HUWE1: variants seen among roughly 807,000 people sequenced by gnomAD.
HUWE1 encodes HECT, UBA and WWE domain containing E3 ubiquitin protein ligase 1, also known as E3 ubiquitin-protein ligase HUWE1.
A neutral mutation model predicts 299.4 loss-of-function variants in HUWE1; 18 were observed. The ratio of observed to expected loss-of-function variants is 0.06; its 90% CI spans 0.04 to 0.09. The LOEUF is 0.09. Ranked by LOEUF, HUWE1 falls within the 10% of genes least tolerant of loss-of-function variation. The pLI is 1.00. For synonymous variants in HUWE1, 1,317 were observed against 1,286.1 expected (o/e 1.02, Z -0.51); for missense variants, 1,832 against 3,462.3 (o/e 0.53, Z 11.82).
At chrX:53,598,286 T>A (rs1242696867) in intron 29 of HUWE1, among the ~76,000 whole-genome samples, 1 of 112,213 alleles carries the variant, frequency 8.9e-6, no homozygotes, top group Non-Finnish European at 1.9e-5. Context: ...GCACCGAAAC[T>A]AAAGCAAACG....
At chrX:53,556,597 C>T (rs949203465) in intron 60 of HUWE1, among the ~76,000 whole-genome samples, 6 of 111,604 alleles carry the variant, frequency 5.4e-5, no homozygotes, top group Non-Finnish European at 1.1e-4. Context: ...CACAAAATGG[C>T]TACTGACCAT....
intron 42 of HUWE1, among the ~76,000 whole-genome samples, 169 bp from the exon 43 acceptor site, chrX:53,581,195 T>A (rs1296774049): frequency 8.9e-6 from 1 of 112,339 alleles, no homozygotes; most frequent in African/African-American, 3.2e-5. Flanking sequence ...TATAAAAAAG[T>A]TGCAGCATGT....
chrX:53,660,789 G>C (rs1233990594), intron 3 of HUWE1, among the ~76,000 whole-genome samples: 1 of 111,472 alleles, frequency 9.0e-6, no homozygotes, highest in African/African-American at 3.3e-5. Context: ...ATTTTCTCAA[G>C]TGGCATCTAC....
chrX:53,534,637 C>T lies in HUWE1; in HGVS notation c.12710G>A (p.Arg4237His), dbSNP rs1306194526. 4.1e-6 allele frequency: 5 copies of T among 1,208,833 alleles called. No homozygotes were observed. Among genetic ancestry groups the T allele is most frequent in the Middle Eastern group, 2.3e-4 (1 of 4,343 alleles). The stretch of plus-strand genomic sequence containing the variant: ...CTGCTCAGTGAAGATGGAAATGAGG[C>T]GCTTTGGAATGATCTCATAGAAGCC... ...LEGFYEIIPKRLISIFTEQEL... is the reference protein window; with the variant it reads ...LEGFYEIIPKHLISIFTEQEL... The change falls in exon 82 of 84, where the codon CGC becomes CAC. Residue 4237 changes from arginine (R) to histidine (H), a missense_variant. Physicochemically the swap from Arg to His is conservative, Grantham distance 29. This residue lies in a region of HUWE1 where 129 missense variants were observed against 439.4 expected (regional missense o/e 0.29). Coordinates refer to ENST00000262854, the MANE Select transcript of HUWE1 (RefSeq NM_031407.7).
chrX:53,685,133 T>C (rs2070389949), intron 2 of HUWE1, among the ~76,000 whole-genome samples: 1 of 112,730 alleles, frequency 8.9e-6, no homozygotes, highest in East Asian at 2.8e-4. Flanking sequence ...CTAATTTAAA[T>C]AGTTCCTTTA....
At position 53,575,838 on chromosome X, in the gene HUWE1, T is replaced by A. The variant is rs140792428; in HGVS notation, c.5885-50A>T. On this transcript the variant is annotated intron_variant, in intron 44 of 83. Coordinates refer to ENST00000262854, the MANE Select transcript of HUWE1 (RefSeq NM_031407.7). ...AAAACAAAATAAACCTCTTCTACAA[T>A]TGGACAATGTTAAGGCCTATCTAGT... The A allele has an allele frequency of 1.0e-3, 1,161 of 1,153,531 alleles. 8 individuals carry two copies. The African/African-American group carries it at 0.019, about 19-fold the overall frequency.
In HUWE1 at chrX:53,602,632, T is replaced by A; in HGVS notation, c.2903A>T (p.Gln968Leu). 1 of 1,184,640 alleles carries A rather than the reference T, an allele frequency of 8.4e-7. No individual in the cohort carries two copies. The highest frequency in any genetic ancestry group is 1.8e-5 in the South Asian group (1 of 55,945). Reference sequence around the variant, plus strand: ...TGGAACCAGTTTCTGCATATCTGCCTGGCCAAATTCACACCCAGATGGTAG... The same window carrying A: ...TGGAACCAGTTTCTGCATATCTGCCAGGCCAAATTCACACCCAGATGGTAG... ...NSLPSGCEFG[Q>L]ADMQKLVPKD... The change falls in exon 28 of 84, where the codon CAG (glutamine) becomes CTG (leucine). Residue 968 changes from glutamine to leucine, a missense_variant. Gln to Leu is a moderately radical substitution (Grantham distance 113). Coordinates refer to ENST00000262854, the MANE Select transcript of HUWE1 (RefSeq NM_031407.7).
At chrX:53,539,320 T>TAAAAAAAAAA (rs34154526) in intron 75 of HUWE1, among the ~76,000 whole-genome samples, 41 of 52,809 alleles carry the variant, frequency 7.8e-4, no homozygotes, top group East Asian at 2.0e-3. Flanking sequence ...ATTTCTGATT[T>TAAAAAAAAAA]AAAAAAAAAA....
chrX:53,584,900 A>G, intron 40 of HUWE1, 112 bp downstream of exon 40: 1 of 819,024 alleles, frequency 1.2e-6, no homozygotes, highest in Non-Finnish European at 1.8e-6. Context: ...AGCTAAAAAG[A>G]ACAACGACAA....
At chrX:53,595,524 C>T in intron 29 of HUWE1, 121 bp from the exon 30 acceptor site, 1 of 587,544 alleles carries the variant, frequency 1.7e-6, no homozygotes, top group Non-Finnish European at 2.8e-6. Context: ...CCCTAGTTAA[C>T]ACTTGGATTT....
At chrX:53,660,760 C>T (rs1192306408) in intron 3 of HUWE1, among the ~76,000 whole-genome samples, 3 of 111,260 alleles carry the variant, frequency 2.7e-5, no homozygotes, top group African/African-American at 6.5e-5. Context: ...GTAAAGGAGG[C>T]TTATTAGCAC....
chrX:53,544,837 G>C, intron 71 of HUWE1, 75 bp from the exon 72 acceptor site: 1 of 974,182 alleles, frequency 1.0e-6, no homozygotes, highest in South Asian at 1.9e-5. Flanking sequence ...AAGGCTTCCT[G>C]GTGTCAACCA....
In HUWE1 at chrX:53,565,468, G is replaced by C. The variant is rs147606056; in HGVS notation, c.6708-229C>G. ...TCAATGCCATATTTCATGGGGCCAT[G>C]GAAAGCACATGAGTAACAAATTCTT... is the stretch of plus-strand genomic sequence containing the variant. On this transcript the variant is annotated intron_variant, in intron 49 of 83. Transcript: ENST00000262854. Among the ~76,000 whole-genome samples the C allele has an allele frequency of 3.6e-5, 4 of 111,219 alleles. No homozygotes were observed. The East Asian group carries it at 1.1e-3, about 31-fold the overall frequency.
chrX:53,628,464 TAAAA>T (rs781865515), intron 15 of HUWE1, 25 bp downstream of exon 15: 28 of 1,051,365 alleles, frequency 2.7e-5, no homozygotes, highest in Admixed American at 1.0e-4. Context: ...CCATGTAGTT[TAAAA>T]AAAAAAAAAA....
chrX:53,674,009 C>T (rs781900264), intron 3 of HUWE1, among the ~76,000 whole-genome samples: 93 of 111,406 alleles, frequency 8.3e-4, no homozygotes, highest in African/African-American at 2.5e-3. Flanking sequence ...TATCAATTTA[C>T]GCCACTTGTA....
At chrX:53,620,671 T>A (rs995517406) in intron 19 of HUWE1, among the ~76,000 whole-genome samples, 3 of 112,168 alleles carry the variant, frequency 2.7e-5, no homozygotes, top group Admixed American at 9.4e-5. Flanking sequence ...ATTGCCTTAG[T>A]TGTATGACAT....
intron 29 of HUWE1, among the ~76,000 whole-genome samples, chrX:53,597,838 T>C (rs2064580914): frequency 9.5e-6 from 1 of 104,821 alleles, no homozygotes; most frequent in African/African-American, 3.5e-5. Flanking sequence ...AAGAGAACCC[T>C]GACAGAGGGA....
intron 43 of HUWE1, 115 bp from the exon 44 acceptor site, chrX:53,577,182 C>A (rs1325042960): frequency 1.8e-6 from 1 of 562,828 alleles, no homozygotes; most frequent in Non-Finnish European, 3.1e-6. Flanking sequence ...GATAGGAGAC[C>A]ATTTTCAATT....
intron 26 of HUWE1, 52 bp from the exon 27 acceptor site, chrX:53,603,553 C>A: frequency 8.9e-7 from 1 of 1,129,379 alleles, no homozygotes; most frequent in Non-Finnish European, 1.2e-6. Context: ...AACAATTATA[C>A]TTAAAAAAAA....
Sources: gnomAD v4.1 joint callset for allele counts (sites outside exome capture counted in the v4.1 genomes callset) on GRCh38, gnomAD v4.1.1 for gene constraint, gnomAD v4.1.1 regional missense constraint, MANE v1.5 for transcripts, NCBI Gene and HGNC (gene_info 2026-07-23, HGNC 2026-07-21) for gene names.